Variants in USP8 observed in about 807,000 individuals in gnomAD.
The protein encoded by USP8 is ubiquitin carboxyl-terminal hydrolase 8.
Under a neutral mutation model 130.0 loss-of-function variants are expected in USP8, and 27 were observed. That is an observed-to-expected ratio of 0.21 (90% CI 0.15 to 0.29). The LOEUF is 0.29. Ranked by LOEUF, USP8 falls within the 10% of genes least tolerant of loss-of-function variation. The probability of loss-of-function intolerance (pLI) is 1.00; values close to 1 mark genes in which losing one functional copy is unlikely to be tolerated. For missense variants in USP8, 1,029 were observed against 1,312.2 expected (o/e 0.78, Z 3.33); for synonymous variants, 392 against 444.1 (o/e 0.88, Z 1.48).
At chr15:50,442,794 G>A (rs1040340817) in intron 3 of USP8, among the ~76,000 whole-genome samples, 13 of 152,102 alleles carry the variant, frequency 8.5e-5, no homozygotes, top group African/African-American at 3.1e-4. Flanking sequence ...TATGAAGAAT[G>A]TAGAGGTTCA....
intron 3 of USP8, among the ~76,000 whole-genome samples, chr15:50,442,497 CT>C (rs201897204): frequency 0.15 from 22,342 of 152,154 alleles, 2,069 homozygotes; most frequent in Middle Eastern, 0.28. Context: ...AATCCCAGCA[CT>C]TTTAGGAGGC....
chr15:50,429,564 G>T (rs1044447557), intron 1 of USP8, among the ~76,000 whole-genome samples: 2 of 152,082 alleles, frequency 1.3e-5, no homozygotes, highest in Non-Finnish European at 2.9e-5. Flanking sequence ...GCAAGGCGAG[G>T]TTGGCTCATG....
intron 5 of USP8, among the ~76,000 whole-genome samples, chr15:50,460,372 T>TA (rs1235651361): frequency 6.7e-6 from 1 of 148,676 alleles, no homozygotes; most frequent in Non-Finnish European, 1.5e-5. Context: ...AGTGGTGCGA[T>TA]TTCAGCTCGC....
chr15:50,502,478 C>T lies in USP8; in HGVS notation c.*3390C>T, dbSNP rs1046443079. On this transcript the variant is annotated 3_prime_UTR_variant, in exon 20 of 20. Transcript: ENST00000307179. Reference sequence around the variant, plus strand: ...CTGCTTCCTGGGTTAAAGCTCTTCTCCTGCCTCAGCCTCCCAAGTAACTGG... The same window carrying T: ...CTGCTTCCTGGGTTAAAGCTCTTCTTCTGCCTCAGCCTCCCAAGTAACTGG... 1 of 152,378 alleles carries T rather than the reference C, an allele frequency of 6.6e-6. No individual in the cohort carries two copies. Among genetic ancestry groups the T allele is most frequent in the African/African-American group, 2.4e-5 (1 of 41,412 alleles). The allele number at this position is 152,378 out of a possible 1,614,324, so 9.4% of individuals were successfully genotyped here.
At chr15:50,467,853 G>A (rs761386908) in intron 7 of USP8, among the ~76,000 whole-genome samples, 19 of 151,424 alleles carry the variant, frequency 1.3e-4, no homozygotes, top group Non-Finnish European at 2.2e-4. Flanking sequence ...CATTGCACCC[G>A]GCCTATCTGT....
At chr15:50,482,111 A>G (rs370124078) in intron 11 of USP8, 46 bp downstream of exon 11, 63 of 1,449,698 alleles carry the variant, frequency 4.3e-5, no homozygotes, top group Non-Finnish European at 5.4e-5. Flanking sequence ...AAGAAAATGT[A>G]TATGAAAATG....
chr15:50,504,117 T>C lies in USP8; in HGVS notation c.*5029T>C, dbSNP rs549404113. The C allele has an allele frequency of 6.6e-6, 1 of 152,252 alleles. No homozygotes were observed. The highest frequency in any genetic ancestry group is 2.4e-5 in the African/African-American group (1 of 41,548). The allele number at this position is 152,252 out of a possible 1,614,324, so 9.4% of individuals were successfully genotyped here. Reference sequence around the variant, plus strand: ...AATAATACAACAATAAAAATATACATATTTTAAAATACAGTGTAACAACTA... The same window carrying C: ...AATAATACAACAATAAAAATATACACATTTTAAAATACAGTGTAACAACTA... On this transcript the variant is annotated 3_prime_UTR_variant, in exon 20 of 20. Coordinates refer to ENST00000307179, the MANE Select transcript of USP8 (RefSeq NM_005154.5).
chr15:50,490,407 C>T lies in USP8; in HGVS notation c.2116C>T (p.Arg706Trp), dbSNP rs78727795. ...HKAKPQIPAE[R>W]DREPSKLKRS... ...AGCCAAGCCACAGATTCCTGCTGAG[C>T]GGGATAGGGAACCTTCCAAACTGAA... Residue 706 changes from arginine (R) to tryptophan (W), a missense_variant, in exon 14 of 20, where the codon CGG (arginine) becomes TGG (tryptophan). Arg to Trp is a moderately radical substitution (Grantham distance 101). Transcript: ENST00000307179. 27 of 1,614,066 alleles carry T rather than the reference C, an allele frequency of 1.7e-5. No individual in the cohort carries two copies. Among genetic ancestry groups the T allele is most frequent in the South Asian group, 2.2e-5 (2 of 91,078 alleles).
intron 6 of USP8, among the ~76,000 whole-genome samples, 183 bp from the exon 7 acceptor site, chr15:50,464,864 A>AT (rs2051131551): frequency 6.6e-6 from 1 of 152,222 alleles, no homozygotes; most frequent in Non-Finnish European, 1.5e-5. Context: ...AAGAAAAAAA[A>AT]CAAGTTGTAT....
At chr15:50,436,875 G>A (rs1196091219) in intron 1 of USP8, among the ~76,000 whole-genome samples, 1 of 152,064 alleles carries the variant, frequency 6.6e-6, no homozygotes, top group Admixed American at 6.6e-5. Context: ...TCACCATGTT[G>A]ACCAGGCTGG....
At chr15:50,442,810 CA>C (rs2050304562) in intron 3 of USP8, among the ~76,000 whole-genome samples, 1 of 152,092 alleles carries the variant, frequency 6.6e-6, no homozygotes, top group Non-Finnish European at 1.5e-5. Context: ...GTTCATTAAA[CA>C]AAAGTGAAGA....
intron 3 of USP8, among the ~76,000 whole-genome samples, chr15:50,449,185 G>C (rs920009763): frequency 2.6e-5 from 4 of 152,082 alleles, no homozygotes; most frequent in African/African-American, 9.7e-5. Context: ...ATGAACTAGT[G>C]GATCTTTTTA....
intron 3 of USP8, among the ~76,000 whole-genome samples, chr15:50,443,316 G>GGC: frequency 6.6e-6 from 1 of 152,196 alleles, no homozygotes; most frequent in Admixed American, 6.5e-5. Context: ...TGGGATTACA[G>GGC]GCGTGATCCT....
In USP8 at chr15:50,510,574, T is replaced by C. The variant is rs1200355338; in HGVS notation, c.*11486T>C. On this transcript the variant is annotated 3_prime_UTR_variant, in exon 20 of 20. Coordinates refer to ENST00000307179, the MANE Select transcript of USP8 (RefSeq NM_005154.5). The stretch of plus-strand genomic sequence containing the variant: ...ACATATAATTCTGCTATTGTGGGTA[T>C]GTAGAAGAATGTGGTTAAGGGATTA... 1 of 152,168 alleles carries C rather than the reference T, an allele frequency of 6.6e-6. No homozygotes were observed. The highest frequency in any genetic ancestry group is 1.5e-5 in the Non-Finnish European group (1 of 68,026). The allele number at this position is 152,168 out of a possible 1,614,324, so 9.4% of individuals were successfully genotyped here.
At chr15:50,431,371 A>G (rs1262512330) in intron 1 of USP8, among the ~76,000 whole-genome samples, 3 of 152,030 alleles carry the variant, frequency 2.0e-5, no homozygotes, top group African/African-American at 4.8e-5. Flanking sequence ...TATTTTTCCC[A>G]TCAGGAACTG....
At chr15:50,450,234 C>G (rs563180487) in intron 4 of USP8, among the ~76,000 whole-genome samples, 1 of 152,068 alleles carries the variant, frequency 6.6e-6, no homozygotes, top group Non-Finnish European at 1.5e-5. Context: ...TGGCATTATT[C>G]TTTAGAAAAA....
intron 3 of USP8, among the ~76,000 whole-genome samples, chr15:50,443,464 T>C (rs2050323854): frequency 6.6e-6 from 1 of 152,018 alleles, no homozygotes; most frequent in South Asian, 2.1e-4. Flanking sequence ...GTTATTCTAA[T>C]AATAGTTACT....
intron 8 of USP8, among the ~76,000 whole-genome samples, chr15:50,475,500 A>G (rs1190210525): frequency 6.6e-6 from 1 of 152,136 alleles, no homozygotes; most frequent in Non-Finnish European, 1.5e-5. Context: ...ATCATATTAA[A>G]CCAGCAATTC....
At chr15:50,443,631 G>T (rs1374566987) in intron 3 of USP8, among the ~76,000 whole-genome samples, 1 of 151,622 alleles carries the variant, frequency 6.6e-6, no homozygotes, top group Non-Finnish European at 1.5e-5. Context: ...CTACAGGTGT[G>T]CACCACCACG....
Sources: allele counts gnomAD v4.1 joint callset (sites outside exome capture counted in the v4.1 genomes callset), GRCh38; gene constraint gnomAD v4.1.1; transcripts MANE v1.5; gene names NCBI Gene and HGNC (gene_info 2026-07-23, HGNC 2026-07-21).